The following ESRRG variants were observed in gnomAD, a reference collection of about 807,000 sequenced individuals.
ESRRG encodes estrogen-related receptor gamma.
In ESRRG, 13 loss-of-function variants were observed where a neutral mutation model predicts 44.0. The ratio of observed to expected loss-of-function variants is 0.30; its 90% CI spans 0.19 to 0.47. The LOEUF (loss-of-function observed/expected upper bound fraction) is 0.47. Ranked by LOEUF, ESRRG falls within the 20% of genes least tolerant of loss-of-function variation. The pLI, the probability that ESRRG is intolerant of heterozygous loss-of-function variation, is 1.00. For synonymous variants in ESRRG, 215 were observed against 214.6 expected, an observed-to-expected ratio of 1.00 and a Z score of -0.02; for missense variants, 395 against 580.6, an observed-to-expected ratio of 0.68 and a Z score of 3.29.
intron 1 of ESRRG, among the ~76,000 whole-genome samples, chr1:217,082,792 T>A (rs1459339967): frequency 6.6e-6 from 1 of 152,180 alleles, no homozygotes; most frequent in African/African-American, 2.4e-5. Flanking sequence ...CTCCCCCTGT[T>A]CAATGAATTT....
chr1:216,565,664 T>A (rs1314565571), intron 4 of ESRRG, among the ~76,000 whole-genome samples: 4 of 152,176 alleles, frequency 2.6e-5, no homozygotes, highest in Admixed American at 2.6e-4. Flanking sequence ...ATTATAATTA[T>A]TTCAAATACA....
At chr1:216,520,076 C>A (rs1160844417) in intron 5 of ESRRG, among the ~76,000 whole-genome samples, 2 of 151,990 alleles carry the variant, frequency 1.3e-5, no homozygotes, top group Non-Finnish European at 2.9e-5. Context: ...GCCTGGCCTC[C>A]CCACCAAAGA....
chr1:216,566,820 T>C (rs1434893206), intron 4 of ESRRG, among the ~76,000 whole-genome samples: 1 of 152,208 alleles, frequency 6.6e-6, no homozygotes, highest in Non-Finnish European at 1.5e-5. Flanking sequence ...ATCAACATAA[T>C]GTTTTTTGGA....
At chr1:216,601,003 T>C (rs1156859125) in intron 3 of ESRRG, among the ~76,000 whole-genome samples, 1 of 152,184 alleles carries the variant, frequency 6.6e-6, no homozygotes, top group South Asian at 2.1e-4. Context: ...TGCTTCGGCG[T>C]TCCTCCCCGG....
intron 2 of ESRRG, among the ~76,000 whole-genome samples, chr1:216,831,707 C>T (rs2095490377): frequency 6.6e-6 from 1 of 152,002 alleles, no homozygotes; most frequent in Admixed American, 6.6e-5. Context: ...ATAGCCAATT[C>T]CTGATCCTTT....
At chr1:216,995,305 T>C (rs1246939644) in intron 1 of ESRRG, among the ~76,000 whole-genome samples, 1 of 152,220 alleles carries the variant, frequency 6.6e-6, no homozygotes, top group Non-Finnish European at 1.5e-5. Context: ...ACTTCCTCAC[T>C]GTCCGTTGCC....
intron 1 of ESRRG, among the ~76,000 whole-genome samples, chr1:217,077,488 T>C (rs1379363337): frequency 6.6e-6 from 1 of 152,138 alleles, no homozygotes; most frequent in Non-Finnish European, 1.5e-5. Flanking sequence ...CGACCACCCT[T>C]GAAAACAAAT....
chr1:216,618,281 T>A (rs1278296562), intron 3 of ESRRG, among the ~76,000 whole-genome samples: 2 of 152,214 alleles, frequency 1.3e-5, no homozygotes, highest in Non-Finnish European at 2.9e-5. Context: ...GTTTTCCCAA[T>A]AGTGGGGCGA....
chr1:216,847,839 A>T lies in ESRRG; in HGVS notation c.-14+91743T>A, dbSNP rs11810331. Among the ~76,000 whole-genome samples the T allele has an allele frequency of 5.1e-3, 778 of 152,240 alleles. 7 individuals carry two copies. Among genetic ancestry groups the T allele is most frequent in the African/African-American group, 0.018 (760 of 41,552 alleles). ...GGCAAGAAACACAGTGGCGGTGGCTATGCCCTCTAACTCTCTAGTGTACAA... is the reference window on the plus strand; with the variant it reads ...GGCAAGAAACACAGTGGCGGTGGCTTTGCCCTCTAACTCTCTAGTGTACAA... On this transcript the variant is annotated intron_variant, in intron 2 of 7. Coordinates refer to the ESRRG transcript ENST00000359162.
At chr1:216,989,047 C>A (rs898587257) in intron 1 of ESRRG, among the ~76,000 whole-genome samples, 1 of 152,106 alleles carries the variant, frequency 6.6e-6, no homozygotes, top group East Asian at 1.9e-4. Context: ...CCTTTCTTGC[C>A]CACACAACTA....
At chr1:216,807,221 G>A (rs1052823475) in intron 2 of ESRRG, among the ~76,000 whole-genome samples, 1 of 152,070 alleles carries the variant, frequency 6.6e-6, no homozygotes, top group Non-Finnish European at 1.5e-5. Flanking sequence ...CCGTCGAATG[G>A]CATCCTTTCA....
chr1:216,581,548 T>C (rs2062766850), intron 3 of ESRRG, among the ~76,000 whole-genome samples: 1 of 152,078 alleles, frequency 6.6e-6, no homozygotes, highest in South Asian at 2.1e-4. Flanking sequence ...GAGTTTACAT[T>C]AGCATTTACA....
intron 2 of ESRRG, among the ~76,000 whole-genome samples, chr1:216,936,144 G>C (rs1345257094): frequency 6.6e-6 from 1 of 152,008 alleles, no homozygotes; most frequent in East Asian, 1.9e-4. Context: ...GGGATAAAGA[G>C]CTCTGTAGTC....
intron 1 of ESRRG, among the ~76,000 whole-genome samples, chr1:217,010,002 C>T (rs2078335130): frequency 6.6e-6 from 1 of 152,048 alleles, no homozygotes; most frequent in African/African-American, 2.4e-5. Flanking sequence ...CCGCGCCCGG[C>T]CTGAGTATAG....
intron 3 of ESRRG, among the ~76,000 whole-genome samples, chr1:216,580,148 C>T (rs1192425506): frequency 6.6e-6 from 1 of 152,176 alleles, no homozygotes; most frequent in Non-Finnish European, 1.5e-5. Context: ...GCCTGCTACA[C>T]AGTAGGTACT....
chr1:216,517,479 C>A (rs1174245606), intron 6 of ESRRG, among the ~76,000 whole-genome samples: 1 of 152,104 alleles, frequency 6.6e-6, no homozygotes, highest in East Asian at 1.9e-4. Flanking sequence ...TAGCATTGCT[C>A]AGCATTCATG....
chr1:216,868,710 C>T (rs992023528), intron 2 of ESRRG, among the ~76,000 whole-genome samples: 3 of 152,198 alleles, frequency 2.0e-5, no homozygotes, highest in East Asian at 1.9e-4. Flanking sequence ...TTCAGTTGCT[C>T]TACAGTCTCA....
chr1:216,632,184 T>C (rs1216385055), intron 3 of ESRRG, among the ~76,000 whole-genome samples: 1 of 152,214 alleles, frequency 6.6e-6, no homozygotes, highest in Non-Finnish European at 1.5e-5. Flanking sequence ...TTTTTAAAGA[T>C]ATTACCAAAC....
intron 2 of ESRRG, among the ~76,000 whole-genome samples, chr1:216,826,012 C>G (rs529794173): frequency 1.3e-5 from 2 of 152,188 alleles, no homozygotes; most frequent in East Asian, 3.9e-4. Context: ...AGTACAAACT[C>G]CCACTCAAGT....
Sources: gnomAD v4.1 joint callset for allele counts (sites outside exome capture counted in the v4.1 genomes callset) on GRCh38, gnomAD v4.1.1 for gene constraint, MANE v1.5 for transcripts, NCBI Gene and HGNC (gene_info 2026-07-23, HGNC 2026-07-21) for gene names.